The following MYO1D variants were observed in gnomAD, a reference collection of about 807,000 sequenced individuals.
The protein encoded by MYO1D is myosin ID, also known as unconventional myosin-Id.
Under a neutral mutation model 122.0 loss-of-function variants are expected in MYO1D, and 83 were observed. The observed-to-expected ratio is 0.68, with a 90% CI of 0.57 to 0.82. MYO1D has a LOEUF of 0.82. MYO1D is among the 40% of genes least tolerant of loss of function. The probability of loss-of-function intolerance (pLI) is 0.00; values close to 1 mark genes in which losing one functional copy is unlikely to be tolerated. For missense variants in MYO1D, 1,157 were observed against 1,269.5 expected, an observed-to-expected ratio of 0.91 and a Z score of 1.35; for synonymous variants, 464 against 446.9, an observed-to-expected ratio of 1.04 and a Z score of -0.48.
intron 15 of MYO1D, among the ~76,000 whole-genome samples, chr17:32,713,632 CATTATT>C (rs148427456): frequency 4.0e-5 from 6 of 151,628 alleles, no homozygotes; most frequent in African/African-American, 1.5e-4. Context: ...ACATTAAATA[CATTATT>C]ATTATTATTA....
chr17:32,808,203 G>A (rs2090535936), intron 1 of MYO1D, among the ~76,000 whole-genome samples: 1 of 151,826 alleles, frequency 6.6e-6, no homozygotes, highest in African/African-American at 2.4e-5. Flanking sequence ...GTAAAACCTT[G>A]TCTCCGCAAA....
At chr17:32,703,807 A>G (rs1167317572) in intron 16 of MYO1D, among the ~76,000 whole-genome samples, 4 of 152,220 alleles carry the variant, frequency 2.6e-5, no homozygotes, top group African/African-American at 9.6e-5. Context: ...ATTGTTAATT[A>G]TTAGTTAAAA....
chr17:32,505,985 A>G (rs1478483099), intron 21 of MYO1D, among the ~76,000 whole-genome samples: 3 of 152,200 alleles, frequency 2.0e-5, no homozygotes, highest in Admixed American at 2.0e-4. Flanking sequence ...TTGGGAGGCC[A>G]AGGTGGGAGG....
At chr17:32,811,395 G>A (rs538644115) in intron 1 of MYO1D, among the ~76,000 whole-genome samples, 2 of 152,250 alleles carry the variant, frequency 1.3e-5, no homozygotes, top group South Asian at 2.1e-4. Flanking sequence ...AGTCAATGAG[G>A]ATGCATGCTG....
intron 1 of MYO1D, among the ~76,000 whole-genome samples, chr17:32,782,947 A>G (rs1029599192): frequency 6.6e-6 from 1 of 151,504 alleles, no homozygotes; most frequent in Non-Finnish European, 1.5e-5. Context: ...AAAAAAAAAA[A>G]TCCAATTCCC....
At chr17:32,685,495 AT>A (rs2088992584) in intron 16 of MYO1D, among the ~76,000 whole-genome samples, 1 of 152,226 alleles carries the variant, frequency 6.6e-6, no homozygotes, top group Non-Finnish European at 1.5e-5. Flanking sequence ...CTTCTTTTTC[AT>A]AACTCCATGG....
intron 8 of MYO1D, among the ~76,000 whole-genome samples, chr17:32,761,416 A>G (rs547207474): frequency 2.6e-5 from 4 of 152,192 alleles, no homozygotes; most frequent in Non-Finnish European, 2.9e-5. Flanking sequence ...TCTGTCGCTC[A>G]GCATCACTCA....
Position 32,755,642 on chromosome 17 carries a change from C to G in MYO1D, c.1317G>C (p.Gln439His). ...GTTGCTCCACGAGGTCAACAATGATCTGATTGTTGAAGTAGTCAATCTGTA... is the reference window on the plus strand; with the variant it reads ...GTTGCTCCACGAGGTCAACAATGATGTGATTGTTGAAGTAGTCAATCTGTA... Reference protein sequence around the residue: ...PWKHIDYFNNQIIVDLVEQQH... With the variant: ...PWKHIDYFNNHIIVDLVEQQH... The change falls in exon 11 of 22, where the codon CAG (glutamine) becomes CAC (histidine). Residue 439 changes from glutamine (Q) to histidine (H), a missense_variant. Physicochemically the swap from Gln to His is conservative, Grantham distance 24. Coordinates refer to ENST00000318217, the MANE Select transcript of MYO1D (RefSeq NM_015194.3). 6.2e-7 allele frequency: 1 copy of G among 1,613,356 alleles called. No individual in the cohort carries two copies. The highest frequency in any genetic ancestry group is 8.5e-7 in the Non-Finnish European group (1 of 1,179,560).
chr17:32,541,924 CT>C (rs1910848164), intron 21 of MYO1D, among the ~76,000 whole-genome samples: 1 of 152,142 alleles, frequency 6.6e-6, no homozygotes, highest in African/African-American at 2.4e-5. Flanking sequence ...TACTGTAATA[CT>C]CTCTTTTCCT....
At chr17:32,872,679 C>A (rs991156685) in intron 1 of MYO1D, among the ~76,000 whole-genome samples, 2 of 151,688 alleles carry the variant, frequency 1.3e-5, no homozygotes, top group African/African-American at 4.8e-5. Context: ...TCCAGACACA[C>A]ATCTAGGTCA....
chr17:32,779,222 A>C (rs564027906), intron 2 of MYO1D, among the ~76,000 whole-genome samples: 29 of 152,238 alleles, frequency 1.9e-4, no homozygotes, highest in African/African-American at 6.7e-4. Flanking sequence ...ATACTAAAAA[A>C]TACTAACATA....
chr17:32,614,803 A>C (rs561661999), intron 20 of MYO1D, among the ~76,000 whole-genome samples: 1 of 152,330 alleles, frequency 6.6e-6, no homozygotes, highest in African/African-American at 2.4e-5. Flanking sequence ...AAGCAGGCTG[A>C]TGGTCTTGAG....
intron 21 of MYO1D, among the ~76,000 whole-genome samples, chr17:32,591,747 T>A (rs369398406): frequency 1.3e-4 from 20 of 152,124 alleles, no homozygotes; most frequent in African/African-American, 3.4e-4. Flanking sequence ...TTCTGGTCAT[T>A]TTCTATGTCA....
At chr17:32,691,489 C>T (rs912453809) in intron 16 of MYO1D, among the ~76,000 whole-genome samples, 4 of 150,560 alleles carry the variant, frequency 2.7e-5, no homozygotes, top group African/African-American at 4.9e-5. Flanking sequence ...TCACTGCAAC[C>T]TCTGCCTCCT....
chr17:32,768,402 A>G lies in MYO1D; in HGVS notation c.715-650T>C, dbSNP rs540121380. On this transcript the variant is annotated intron_variant, in intron 6 of 21. Coordinates refer to ENST00000318217, the MANE Select transcript of MYO1D (RefSeq NM_015194.3). ...CTGCCCTTTTAGAGCTGTGGCCATC[A>G]CATTGGAAATACAAGTGCGTAAACA... Among the ~76,000 whole-genome samples, 5 of 152,344 alleles carry G rather than the reference A, an allele frequency of 3.3e-5. No homozygotes were observed. In the East Asian group the frequency reaches 9.6e-4, roughly 29 times the overall value.
chr17:32,857,401 C>T (rs956114845), intron 1 of MYO1D, among the ~76,000 whole-genome samples: 5 of 151,980 alleles, frequency 3.3e-5, no homozygotes, highest in African/African-American at 9.7e-5. Context: ...CTGGCTAACA[C>T]GGTGAAACCC....
At chr17:32,613,369 C>T (rs1348657960) in intron 20 of MYO1D, among the ~76,000 whole-genome samples, 5 of 152,068 alleles carry the variant, frequency 3.3e-5, no homozygotes, top group African/African-American at 7.2e-5. Flanking sequence ...ATCAATGTAA[C>T]GTACAAATAC....
At chr17:32,592,126 T>C (rs1470788183) in intron 21 of MYO1D, among the ~76,000 whole-genome samples, 1 of 152,198 alleles carries the variant, frequency 6.6e-6, no homozygotes, top group Non-Finnish European at 1.5e-5. Context: ...GACTCAATAA[T>C]CACAGCAAGA....
intron 21 of MYO1D, among the ~76,000 whole-genome samples, chr17:32,565,579 G>A (rs2087165670): frequency 6.6e-6 from 1 of 152,182 alleles, no homozygotes; most frequent in Non-Finnish European, 1.5e-5. Context: ...TTGCTAAGTA[G>A]GCTGCTGTGA....
Sources: gnomAD v4.1 joint callset for allele counts (sites outside exome capture counted in the v4.1 genomes callset) on GRCh38, gnomAD v4.1.1 for gene constraint, MANE v1.5 for transcripts, NCBI Gene and HGNC (gene_info 2026-07-23, HGNC 2026-07-21) for gene names.